The following CNTNAP2 variants were observed in gnomAD, a reference collection of about 807,000 sequenced individuals.
CNTNAP2 encodes the protein contactin-associated protein-like 2.
Under a neutral mutation model 155.2 loss-of-function variants are expected in CNTNAP2, and 98 were observed. That is an observed-to-expected ratio of 0.63 (90% confidence interval 0.54 to 0.75). The LOEUF is 0.75. Among genes scored for constraint, CNTNAP2 ranks in the 30% least tolerant of loss-of-function variants. The pLI, the probability that CNTNAP2 is intolerant of heterozygous loss-of-function variation, is 0.00. For missense variants in CNTNAP2, 1,727 were observed against 1,688.1 expected (o/e 1.02, Z -0.40); for synonymous variants, 651 against 631.2 (o/e 1.03, Z -0.47).
intron 3 of CNTNAP2, among the ~76,000 whole-genome samples, chr7:146,964,067 G>C (rs1348013948): frequency 1.3e-5 from 2 of 152,104 alleles, no homozygotes; most frequent in African/African-American, 2.4e-5. Flanking sequence ...CAAAAAATGA[G>C]AAAATCCATG....
intron 8 of CNTNAP2, among the ~76,000 whole-genome samples, chr7:147,185,468 ACAAC>A (rs1802545778): frequency 6.6e-6 from 1 of 152,194 alleles, no homozygotes; most frequent in Non-Finnish European, 1.5e-5. Flanking sequence ...AAACCTGGAA[ACAAC>A]CAAACTGTTT....
intron 12 of CNTNAP2, among the ~76,000 whole-genome samples, chr7:147,626,883 A>G (rs1454854892): frequency 6.6e-6 from 1 of 152,154 alleles, no homozygotes; most frequent in Admixed American, 6.5e-5. Flanking sequence ...CACACTAAAC[A>G]TATCTACAAC....
At chr7:147,839,957 T>C (rs979464819) in intron 13 of CNTNAP2, among the ~76,000 whole-genome samples, 171 of 103,114 alleles carry the variant, frequency 1.7e-3, no homozygotes, top group South Asian at 6.2e-3. Context: ...CACACACACA[T>C]ATATATACCA....
intron 16 of CNTNAP2, among the ~76,000 whole-genome samples, chr7:148,136,049 GGAA>G (rs1804942005): frequency 3.2e-5 from 2 of 61,648 alleles, no homozygotes; most frequent in Non-Finnish European, 6.2e-5. Flanking sequence ...GGGAGGGAGG[GGAA>G]GGGAAGGGAG....
At chr7:148,273,002 A>G (rs1796809865) in intron 21 of CNTNAP2, among the ~76,000 whole-genome samples, 1 of 152,248 alleles carries the variant, frequency 6.6e-6, no homozygotes, top group Non-Finnish European at 1.5e-5. Flanking sequence ...CAAGACTGAC[A>G]TGGACCAAAA....
rs138284325 is a variant in CNTNAP2 at position 147,692,661 on chromosome 7, C to T, written c.2098+53355C>T. ...CTGTATATCTTCTTTAATGAAGTAGCTGTTAAGATACGGACCATTTTTAAT... is the reference window on the plus strand; with the variant it reads ...CTGTATATCTTCTTTAATGAAGTAGTTGTTAAGATACGGACCATTTTTAAT... On this transcript the variant is annotated intron_variant, in intron 13 of 23. Coordinates refer to ENST00000361727, the MANE Select transcript of CNTNAP2 (RefSeq NM_014141.6). Among the ~76,000 whole-genome samples, 539 of 152,160 alleles carry T rather than the reference C, an allele frequency of 3.5e-3. 2 individuals carry two copies. The highest frequency in any genetic ancestry group is 0.012 in the African/African-American group (506 of 41,556).
At chr7:146,309,757 G>A (rs1800786349) in intron 1 of CNTNAP2, among the ~76,000 whole-genome samples, 1 of 151,002 alleles carries the variant, frequency 6.6e-6, no homozygotes, top group Admixed American at 6.6e-5. Context: ...GCCAAGATCA[G>A]CCCATTGCAC....
chr7:146,780,167 T>G (rs1802459216), intron 2 of CNTNAP2, among the ~76,000 whole-genome samples: 1 of 150,868 alleles, frequency 6.6e-6, no homozygotes, highest in Non-Finnish European at 1.5e-5. Flanking sequence ...CTCCACATCC[T>G]CGCCAGCATC....
intron 4 of CNTNAP2, among the ~76,000 whole-genome samples, chr7:147,052,661 T>G (rs1308331656): frequency 6.6e-6 from 1 of 152,032 alleles, no homozygotes; most frequent in Admixed American, 6.6e-5. Flanking sequence ...TAAATCACAC[T>G]TTTTTGAGGC....
chr7:147,170,774 C>G (rs1167854004), intron 8 of CNTNAP2, among the ~76,000 whole-genome samples: 1 of 152,148 alleles, frequency 6.6e-6, no homozygotes, highest in Non-Finnish European at 1.5e-5. Flanking sequence ...AACACAGCAC[C>G]CAGGCTGGGC....
At chr7:147,427,158 C>T (rs1291010125) in intron 10 of CNTNAP2, among the ~76,000 whole-genome samples, 1 of 152,074 alleles carries the variant, frequency 6.6e-6, no homozygotes, top group East Asian at 1.9e-4. Context: ...AAAGGATGGC[C>T]TGGAGAAAGA....
Position 146,822,335 on chromosome 7 carries a change from G to T in CNTNAP2, c.209-17376G>T, listed in dbSNP as rs13438749. ...GGGGCCTGTTGTGGCGTGGGGGCAGGGGGGAGTGATAGCATTAGGAGATAT... is the reference window on the plus strand; with the variant it reads ...GGGGCCTGTTGTGGCGTGGGGGCAGTGGGGAGTGATAGCATTAGGAGATAT... On this transcript the variant is annotated intron_variant, in intron 2 of 23. Transcript: ENST00000361727. Among the ~76,000 whole-genome samples the T allele has an allele frequency of 7.0e-3, 1,071 of 152,078 alleles. 11 individuals are homozygous for T. Among genetic ancestry groups the T allele is most frequent in the African/African-American group, 0.025 (1,018 of 41,500 alleles).
intron 13 of CNTNAP2, among the ~76,000 whole-genome samples, chr7:147,640,217 TCATA>T: frequency 6.6e-6 from 1 of 152,266 alleles, no homozygotes; most frequent in East Asian, 1.9e-4. Context: ...ATGCCTTGCC[TCATA>T]CATTTATTAT....
chr7:147,809,803 C>A (rs557596364), intron 13 of CNTNAP2, among the ~76,000 whole-genome samples: 1 of 152,106 alleles, frequency 6.6e-6, no homozygotes, highest in East Asian at 1.9e-4. Flanking sequence ...AGAGACAGAA[C>A]CTATTTGTTC....
At chr7:147,335,799 A>T (rs904783211) in intron 9 of CNTNAP2, among the ~76,000 whole-genome samples, 2 of 152,192 alleles carry the variant, frequency 1.3e-5, no homozygotes, top group African/African-American at 2.4e-5. Flanking sequence ...TTATTTTTAA[A>T]TTTAGCCTTA....
chr7:146,731,048 G>T (rs1801517189), intron 1 of CNTNAP2, among the ~76,000 whole-genome samples: 1 of 152,184 alleles, frequency 6.6e-6, no homozygotes, highest in African/African-American at 2.4e-5. Context: ...AAGAGGCCAT[G>T]TAGCACAAAC....
At chr7:146,125,892 T>G (rs996025106) in intron 1 of CNTNAP2, among the ~76,000 whole-genome samples, 9 of 152,178 alleles carry the variant, frequency 5.9e-5, no homozygotes, top group Non-Finnish European at 1.0e-4. Context: ...GAGTGTCCTT[T>G]TCTAGAACTC....
At chr7:146,751,082 A>G (rs1801895118) in intron 1 of CNTNAP2, among the ~76,000 whole-genome samples, 1 of 152,168 alleles carries the variant, frequency 6.6e-6, no homozygotes, top group African/African-American at 2.4e-5. Flanking sequence ...TGTTTGGGTT[A>G]TACATGTGGC....
At position 146,859,291 on chromosome 7, in the gene CNTNAP2, C is replaced by G. The variant is rs552916989; in HGVS notation, c.402+19387C>G. ...GTGTCTGTTGACAGAACACCAGTAA[C>G]AGTATTATGCATTAGCCCCTATAGT... On this transcript the variant is annotated intron_variant, in intron 3 of 23. Transcript: ENST00000361727. Among the ~76,000 whole-genome samples the G allele has an allele frequency of 2.6e-5, 4 of 152,266 alleles. No individual in the cohort carries two copies. In the East Asian group the frequency reaches 5.8e-4, roughly 22 times the overall value.
Sources: gnomAD v4.1 joint callset for allele counts (sites outside exome capture counted in the v4.1 genomes callset) on GRCh38, gnomAD v4.1.1 for gene constraint, MANE v1.5 for transcripts, NCBI Gene and HGNC (gene_info 2026-07-23, HGNC 2026-07-21) for gene names.